SGCD: variants seen among roughly 807,000 people sequenced by gnomAD.
The protein encoded by SGCD is delta-sarcoglycan.
A neutral mutation model predicts 36.6 loss-of-function variants in SGCD; 18 were observed. The observed-to-expected ratio is 0.49, with a 90% CI of 0.34 to 0.73. The LOEUF (loss-of-function observed/expected upper bound fraction) is 0.73, where lower values mean the gene tolerates loss of function less well. Among genes scored for constraint, SGCD ranks in the 30% least tolerant of loss-of-function variants. The pLI is 0.01. For missense variants in SGCD, 387 were observed against 346.7 expected (o/e 1.12, Z -0.92); for synonymous variants, 133 against 130.6 (o/e 1.02, Z -0.12).
At chr5:155,785,810 G>T in the SGCD span, among the ~76,000 whole-genome samples, 1 of 152,116 alleles carries the variant, frequency 6.6e-6, no homozygotes, top group Non-Finnish European at 1.5e-5. Context: ...TAAAGAGCAA[G>T]GTAAGTTCTA....
chr5:155,847,676 A>G, the SGCD span, among the ~76,000 whole-genome samples: 2 of 152,174 alleles, frequency 1.3e-5, no homozygotes, highest in Non-Finnish European at 1.5e-5. Context: ...TTCTACAGAG[A>G]GGAAGCTTAA....
At chr5:156,737,346 C>T (rs1050601032) in intron 7 of SGCD, among the ~76,000 whole-genome samples, 6 of 152,260 alleles carry the variant, frequency 3.9e-5, no homozygotes, top group South Asian at 2.1e-4. Flanking sequence ...TTACCTTAGG[C>T]TTAACTTCCC....
chr5:156,133,127 C>G (rs1762367759), intron 3 of SGCD, among the ~76,000 whole-genome samples: 1 of 152,104 alleles, frequency 6.6e-6, no homozygotes, highest in Non-Finnish European at 1.5e-5. Flanking sequence ...TCAGATAAGC[C>G]TAGAGCTCAG....
At chr5:156,628,601 C>T (rs1762517330) in intron 6 of SGCD, among the ~76,000 whole-genome samples, 1 of 152,202 alleles carries the variant, frequency 6.6e-6, no homozygotes, top group Non-Finnish European at 1.5e-5. Context: ...CCATCCTTGA[C>T]ATCTTTGACA....
chr5:156,163,979 T>C (rs1285507068), intron 3 of SGCD, among the ~76,000 whole-genome samples: 3 of 143,088 alleles, frequency 2.1e-5, no homozygotes, highest in Middle Eastern at 7.6e-3. Context: ...GCCGAGATCA[T>C]GCCACTGCAC....
At chr5:156,531,645 G>T (rs1757894734) in intron 4 of SGCD, among the ~76,000 whole-genome samples, 1 of 152,058 alleles carries the variant, frequency 6.6e-6, no homozygotes, top group Non-Finnish European at 1.5e-5. Context: ...TTTAAAATTG[G>T]CCCATATGGC....
intron 3 of SGCD, among the ~76,000 whole-genome samples, chr5:156,284,939 A>C (rs1456826847): frequency 6.6e-6 from 1 of 152,194 alleles, no homozygotes; most frequent in Non-Finnish European, 1.5e-5. Flanking sequence ...GTCTCAGCCC[A>C]AAATCTCTTT....
intron 3 of SGCD, among the ~76,000 whole-genome samples, chr5:156,362,529 C>A (rs1769854942): frequency 1.3e-5 from 2 of 152,022 alleles, no homozygotes; most frequent in Non-Finnish European, 2.9e-5. Flanking sequence ...ATCTGTAGTC[C>A]CAGCTACTCG....
intron 7 of SGCD, among the ~76,000 whole-genome samples, chr5:156,753,621 G>A (rs769068715): frequency 1.3e-5 from 2 of 152,128 alleles, no homozygotes; most frequent in Non-Finnish European, 2.9e-5. Flanking sequence ...CCCATGGCTG[G>A]GGAGGCCTCA....
chr5:155,765,334 G>A, the SGCD span, among the ~76,000 whole-genome samples: 2 of 147,844 alleles, frequency 1.4e-5, no homozygotes, highest in African/African-American at 5.0e-5. Context: ...AGGAAGGAAG[G>A]GAAGGAAGGG....
chr5:156,453,253 G>A (rs909376675), intron 3 of SGCD, among the ~76,000 whole-genome samples: 3 of 152,154 alleles, frequency 2.0e-5, no homozygotes, highest in African/African-American at 7.2e-5. Context: ...AAACAGGATT[G>A]ACTTGTCCCG....
At chr5:155,973,603 A>C (rs1427943257) in intron 1 of SGCD, among the ~76,000 whole-genome samples, 1 of 152,196 alleles carries the variant, frequency 6.6e-6, no homozygotes, top group Non-Finnish European at 1.5e-5. Context: ...CTAAGTCTGC[A>C]AGTTAGTGGG....
chr5:156,452,548 G>A (rs995093169), intron 3 of SGCD, among the ~76,000 whole-genome samples: 1 of 152,068 alleles, frequency 6.6e-6, no homozygotes, highest in East Asian at 1.9e-4. Context: ...TTTCTTCTTA[G>A]GTAACCCTCA....
At chr5:155,919,722 A>G (rs2113372427) in intron 1 of SGCD, among the ~76,000 whole-genome samples, 1 of 152,144 alleles carries the variant, frequency 6.6e-6, no homozygotes, top group Non-Finnish European at 1.5e-5. Flanking sequence ...CCCTTTTCCT[A>G]TTTTCTTTTC....
rs115456434 is a variant in SGCD, at chr5:156,150,023, T to C, written c.-44+26004T>C. Among the ~76,000 whole-genome samples, 1,327 of 152,106 alleles carry C rather than the reference T, an allele frequency of 8.7e-3. 14 individuals carry two copies. Among genetic ancestry groups the C allele is most frequent in the African/African-American group, 0.031 (1,277 of 41,474 alleles). Reference sequence around the variant, plus strand: ...TCTGTTCTCCACCCAGCAGCTAGAGTGGTCTTTTAAAAATGCAGGCCTAGT... The same window carrying C: ...TCTGTTCTCCACCCAGCAGCTAGAGCGGTCTTTTAAAAATGCAGGCCTAGT... On this transcript the variant is annotated intron_variant, in intron 3 of 9. Transcript: ENST00000517913.
At chr5:156,070,365 C>A (rs1352506026) in intron 1 of SGCD, among the ~76,000 whole-genome samples, 1 of 151,168 alleles carries the variant, frequency 6.6e-6, no homozygotes, top group Non-Finnish European at 1.5e-5. Flanking sequence ...TGTCAAAGGC[C>A]TTTTCTGCAT....
intron 3 of SGCD, among the ~76,000 whole-genome samples, chr5:156,255,439 C>T (rs1239914718): frequency 6.6e-6 from 1 of 152,116 alleles, no homozygotes; most frequent in Non-Finnish European, 1.5e-5. Flanking sequence ...TGACCTATAC[C>T]TCCTTTTCTG....
chr5:155,944,761 C>G (rs1023750876), intron 1 of SGCD, among the ~76,000 whole-genome samples: 39 of 152,118 alleles, frequency 2.6e-4, no homozygotes, highest in African/African-American at 9.4e-4. Context: ...TTTATGATTG[C>G]ACTGAATTTG....
chr5:156,423,246 A>AT (rs1773449725), intron 3 of SGCD, among the ~76,000 whole-genome samples: 2 of 81,054 alleles, frequency 2.5e-5, no homozygotes, highest in South Asian at 3.3e-4. Flanking sequence ...ATTATATTTT[A>AT]TAATATTATA....
Sources: gnomAD v4.1 joint callset for allele counts (sites outside exome capture counted in the v4.1 genomes callset) on GRCh38, gnomAD v4.1.1 for gene constraint, MANE v1.5 for transcripts, NCBI Gene and HGNC (gene_info 2026-07-23, HGNC 2026-07-21) for gene names.